Variants in MVB12B observed in about 807,000 individuals in gnomAD.
MVB12B encodes multivesicular body subunit 12B, also known as ESCRT-I complex subunit MVB12B.
MVB12B carries 16 observed loss-of-function variants against 41.6 expected under a neutral mutation model. The observed-to-expected ratio is 0.38, with a 90% CI of 0.26 to 0.58. The LOEUF (loss-of-function observed/expected upper bound fraction) is 0.58. Ranked by LOEUF, MVB12B falls within the 20% of genes least tolerant of loss-of-function variation. The pLI, the probability that MVB12B is intolerant of heterozygous loss-of-function variation, is 0.62. For synonymous variants in MVB12B, 133 were observed against 139.7 expected (o/e 0.95, Z 0.34); for missense variants, 274 against 380.2 (o/e 0.72, Z 2.32).
At chr9:126,335,372 A>G (rs1829245282) in intron 1 of MVB12B, 1 of 1,304,340 alleles carries the variant, frequency 7.7e-7, no homozygotes, top group Non-Finnish European at 1.0e-6. Context: ...TGGGCACAGC[A>G]TGGACACTGG....
At chr9:126,407,987 T>C (rs949603205) in intron 6 of MVB12B, 2 of 152,142 alleles carry the variant, frequency 1.3e-5, no homozygotes, top group African/African-American at 2.4e-5. Context: ...AACCTTCCGA[T>C]GGGTGGTTAA....
At chr9:126,454,341 T>A (rs1832938261) in intron 7 of MVB12B, among the ~76,000 whole-genome samples, 1 of 152,240 alleles carries the variant, frequency 6.6e-6, no homozygotes, top group Admixed American at 6.5e-5. Context: ...AATAGTGTGT[T>A]GTTCCAGCCT....
chr9:126,462,527 A>T (rs1277200357), intron 7 of MVB12B, among the ~76,000 whole-genome samples: 2 of 152,216 alleles, frequency 1.3e-5, no homozygotes, highest in African/African-American at 4.8e-5. Flanking sequence ...TTTCTCTTTT[A>T]TATGCCCATT....
intron 2 of MVB12B, among the ~76,000 whole-genome samples, chr9:126,356,580 G>A (rs550818179): frequency 6.6e-6 from 1 of 152,052 alleles, no homozygotes; most frequent in Non-Finnish European, 1.5e-5. Context: ...CCCCTAAAAG[G>A]TTCCTCCTAC....
intron 7 of MVB12B, among the ~76,000 whole-genome samples, chr9:126,446,104 T>A (rs1832759796): frequency 6.6e-6 from 1 of 152,146 alleles, no homozygotes; most frequent in South Asian, 2.1e-4. Flanking sequence ...AGAGAGGGCT[T>A]GATTGTATTA....
intron 2 of MVB12B, among the ~76,000 whole-genome samples, chr9:126,350,949 ATG>A (rs1249142810): frequency 1.3e-5 from 2 of 152,208 alleles, no homozygotes; most frequent in East Asian, 3.8e-4. Context: ...ATGGCAATTG[ATG>A]TTAAATCTGC....
chr9:126,438,097 A>G (rs986200742), intron 7 of MVB12B, among the ~76,000 whole-genome samples: 20 of 152,232 alleles, frequency 1.3e-4, no homozygotes, highest in African/African-American at 4.6e-4. Context: ...AGAATGCCTA[A>G]TTCATACAGT....
At chr9:126,503,008 G>C (rs1266682075) in intron 9 of MVB12B, among the ~76,000 whole-genome samples, 169 bp from the exon 10 acceptor site, 2 of 152,214 alleles carry the variant, frequency 1.3e-5, no homozygotes, top group African/African-American at 4.8e-5. Context: ...ACAGTTCAGG[G>C]GCCCACGAGG....
intron 7 of MVB12B, among the ~76,000 whole-genome samples, chr9:126,469,332 A>C (rs537731271): frequency 1.1e-4 from 16 of 152,346 alleles, no homozygotes; most frequent in Admixed American, 8.5e-4. Flanking sequence ...TCCGGATTCA[A>C]GGGGTGCTTT....
chr9:126,390,240 G>A (rs1830908656), intron 4 of MVB12B, among the ~76,000 whole-genome samples: 1 of 152,342 alleles, frequency 6.6e-6, no homozygotes, highest in South Asian at 2.1e-4. Flanking sequence ...AGCACTTACT[G>A]TGTGCCAGGC....
rs1830805974 is a variant in MVB12B at position 126,386,732 on chromosome 9, A to G, written c.409+74A>G. The G allele has an allele frequency of 5.2e-6, 6 of 1,146,522 alleles. No homozygotes were observed. Among genetic ancestry groups the G allele is most frequent in the Middle Eastern group, 1.9e-4 (1 of 5,150 alleles). The allele number at this position is 1,146,522 out of a possible 1,614,324, so 71.0% of individuals were successfully genotyped here. ...CAGGTATATTTGTAGGTGTTTTTCT[A>G]TGTGCATTTTTCTTCAGAAACACTT... On this transcript the variant is annotated intron_variant, in intron 4 of 9. Transcript: ENST00000361171. The surrounding 1 kb of genome is among the most constrained non-coding windows in gnomAD (Gnocchi z 4.3).
intron 6 of MVB12B, among the ~76,000 whole-genome samples, chr9:126,399,924 G>A (rs1329739995): frequency 6.6e-6 from 1 of 152,192 alleles, no homozygotes; most frequent in South Asian, 2.1e-4. Context: ...GGCGATGGGC[G>A]CAGGCGGAGA....
chr9:126,494,355 T>A (rs1248961278), intron 9 of MVB12B, among the ~76,000 whole-genome samples: 2 of 152,148 alleles, frequency 1.3e-5, no homozygotes, highest in South Asian at 4.1e-4. Context: ...CCACCACACA[T>A]CTTGTTCCCG....
At chr9:126,401,369 C>T (rs1008352782) in intron 6 of MVB12B, among the ~76,000 whole-genome samples, 3 of 152,186 alleles carry the variant, frequency 2.0e-5, no homozygotes, top group South Asian at 2.1e-4. Flanking sequence ...GTCACAGGTT[C>T]GGAAGTATGT....
At chr9:126,437,775 T>C (rs1832524934) in intron 7 of MVB12B, among the ~76,000 whole-genome samples, 1 of 152,268 alleles carries the variant, frequency 6.6e-6, no homozygotes. Flanking sequence ...CTGATCCTCA[T>C]AGTTCTATAG....
chr9:126,396,945 C>A (rs935987394), intron 6 of MVB12B: 2 of 985,468 alleles, frequency 2.0e-6, no homozygotes, highest in Non-Finnish European at 2.4e-6. Context: ...AGCCAGAGCG[C>A]TGTCAGCTCC....
chr9:126,343,266 TG>T (rs1191713930), intron 2 of MVB12B, among the ~76,000 whole-genome samples: 1 of 152,178 alleles, frequency 6.6e-6, no homozygotes, highest in Non-Finnish European at 1.5e-5. Flanking sequence ...CCACACTATC[TG>T]GGAGTGACTG....
Position 126,367,255 on chromosome 9 carries a change from C to T in MVB12B, c.205-13809C>T, listed in dbSNP as rs1458151732. Reference sequence around the variant, plus strand: ...GCCCGGGGCTCTCCAGCCACGCTCCCCCTCTTGCTCCCTAGGATGGGGCAG... The same window carrying T: ...GCCCGGGGCTCTCCAGCCACGCTCCTCCTCTTGCTCCCTAGGATGGGGCAG... On this transcript the variant is annotated intron_variant, in intron 2 of 9. Coordinates refer to ENST00000361171, the MANE Select transcript of MVB12B (RefSeq NM_033446.3). This position sits in a 1 kb window ranked among gnomAD's most constrained non-coding sequence, Gnocchi z 4.3. Among the ~76,000 whole-genome samples, 1 of 152,070 alleles carries T rather than the reference C, an allele frequency of 6.6e-6. No individual in the cohort carries two copies. Among genetic ancestry groups the T allele is most frequent in the Non-Finnish European group, 1.5e-5 (1 of 68,022 alleles).
At chr9:126,362,609 A>G (rs1448092714) in intron 2 of MVB12B, among the ~76,000 whole-genome samples, 1 of 152,196 alleles carries the variant, frequency 6.6e-6, no homozygotes, top group Non-Finnish European at 1.5e-5. Context: ...CCAAGGAAGA[A>G]ATTGGAAATG....
Sources: allele counts gnomAD v4.1 joint callset (sites outside exome capture counted in the v4.1 genomes callset), GRCh38; gene constraint gnomAD v4.1.1; non-coding constraint Gnocchi (gnomAD v3.1); transcripts MANE v1.5; gene names NCBI Gene and HGNC (gene_info 2026-07-23, HGNC 2026-07-21).